ADAM9: variants seen among roughly 807,000 people sequenced by gnomAD.
The protein encoded by ADAM9 is disintegrin and metalloproteinase domain-containing protein 9.
Under a neutral mutation model 108.1 loss-of-function variants are expected in ADAM9, and 54 were observed. The ratio of observed to expected loss-of-function variants is 0.50; its 90% CI spans 0.40 to 0.63. ADAM9 has a LOEUF of 0.63. Among genes scored for constraint, ADAM9 ranks in the 20% least tolerant of loss-of-function variants. The probability of loss-of-function intolerance (pLI) is 0.00; values close to 1 mark genes in which losing one functional copy is unlikely to be tolerated. For synonymous variants in ADAM9, 316 were observed against 336.0 expected (o/e 0.94, Z 0.65); for missense variants, 830 against 997.7 (o/e 0.83, Z 2.26).
chr8:39,075,729 A>G (rs1001913668), intron 15 of ADAM9, among the ~76,000 whole-genome samples: 2 of 152,212 alleles, frequency 1.3e-5, no homozygotes, highest in Non-Finnish European at 2.9e-5. Flanking sequence ...TATCATAGCA[A>G]TGTGAATTTT....
At chr8:39,046,031 AT>A (rs936903727) in intron 12 of ADAM9, among the ~76,000 whole-genome samples, 1 of 152,026 alleles carries the variant, frequency 6.6e-6, no homozygotes, top group African/African-American at 2.4e-5. Flanking sequence ...TGAGGAATGG[AT>A]TTTATTGAAT....
chr8:39,051,292 ATGAGTTGGG>A (rs1237757952), intron 12 of ADAM9, among the ~76,000 whole-genome samples: 1 of 152,118 alleles, frequency 6.6e-6, no homozygotes, highest in African/African-American at 2.4e-5. Flanking sequence ...ATGACGCGTC[ATGAGTTGGG>A]ATTGCGGCGA....
rs989868520 is a variant in ADAM9 at position 39,071,279 on chromosome 8, T to A, written c.1592-19T>A. 2 of 1,611,078 alleles carry A rather than the reference T, an allele frequency of 1.2e-6. No individual in the cohort carries two copies. Among genetic ancestry groups the A allele is most frequent in the Non-Finnish European group, 1.7e-6 (2 of 1,177,730 alleles). On this transcript the variant is annotated intron_variant, in intron 14 of 21. Transcript: ENST00000487273. ...TGCCATAACTTTTTTTTTCTTTTTT[T>A]AAATGTTTAATGTTACAGAAGCCAA...
At chr8:39,012,071 A>G (rs951305073) in intron 3 of ADAM9, among the ~76,000 whole-genome samples, 1 of 152,238 alleles carries the variant, frequency 6.6e-6, no homozygotes, top group South Asian at 2.1e-4. Context: ...GCCTACTCAC[A>G]TAGACTTTAA....
chr8:39,037,540 C>G (rs1387155425), intron 11 of ADAM9, among the ~76,000 whole-genome samples: 1 of 149,428 alleles, frequency 6.7e-6, no homozygotes, highest in Non-Finnish European at 1.5e-5. Context: ...CTCCTCCCAC[C>G]CCAGCCTCCT....
chr8:39,045,568 G>GTA lies in ADAM9; in HGVS notation c.1302+3452_1302+3453insAT, dbSNP rs1354034713. 1.4e-3 allele frequency among the ~76,000 whole-genome samples: 192 copies of GTA among 139,296 alleles called. 2 individuals are homozygous for GTA. The highest frequency in any genetic ancestry group is 3.9e-3 in the African/African-American group (149 of 37,996). The allele number at this position is 139,296 out of a possible 152,430, so 91.4% of individuals were successfully genotyped here. A position where few individuals can be genotyped will look rare whatever the true frequency, so the allele number is the denominator to read the frequency against. On this transcript the variant is annotated intron_variant, in intron 12 of 21. Transcript: ENST00000487273. Reference sequence around the variant, plus strand: ...TATGTGTGTGTGTATATGTGTGTGTGTGTATATATATATATATATAAAAGA... The same window carrying GTA: ...TATGTGTGTGTGTATATGTGTGTGTGTATGTATATATATATATATATAAAAGA...
chr8:39,009,958 A>C (rs112003270), intron 2 of ADAM9, among the ~76,000 whole-genome samples: 126 of 48,692 alleles, frequency 2.6e-3, no homozygotes, highest in Middle Eastern at 0.011. Context: ...ACAACAACAA[A>C]AACAAACCCC....
At chr8:39,021,323 C>G (rs1342523853) in intron 7 of ADAM9, among the ~76,000 whole-genome samples, 1 of 151,930 alleles carries the variant, frequency 6.6e-6, no homozygotes, top group Non-Finnish European at 1.5e-5. Flanking sequence ...TGCTCTTTCT[C>G]CCAGACTGGA....
intron 20 of ADAM9, among the ~76,000 whole-genome samples, chr8:39,092,265 T>C (rs977338879): frequency 6.6e-6 from 1 of 152,118 alleles, no homozygotes; most frequent in Non-Finnish European, 1.5e-5. Context: ...TCGATAGATA[T>C]AGCTGTGATT....
rs1426873160 is a variant in ADAM9 at position 39,071,282 on chromosome 8, A to G, written c.1592-16A>G. On this transcript the variant is annotated splice_polypyrimidine_tract_variant and intron_variant, in intron 14 of 21. Transcript: ENST00000487273. ...CATAACTTTTTTTTTCTTTTTTTAA[A>G]TGTTTAATGTTACAGAAGCCAAGGC... 6.2e-7 allele frequency: 1 copy of G among 1,611,122 alleles called. No homozygotes were observed.
At chr8:39,066,754 A>G (rs889689179) in intron 14 of ADAM9, among the ~76,000 whole-genome samples, 1 of 152,124 alleles carries the variant, frequency 6.6e-6, no homozygotes, top group Non-Finnish European at 1.5e-5. Context: ...TCTTTAGTTT[A>G]ATTAGATCCT....
At chr8:39,101,313 C>A (rs1438046590) in intron 20 of ADAM9, among the ~76,000 whole-genome samples, 1 of 152,220 alleles carries the variant, frequency 6.6e-6, no homozygotes, top group Non-Finnish European at 1.5e-5. Flanking sequence ...ACTTTCTGAG[C>A]ACCAACATGA....
At chr8:39,026,584 T>G in intron 10 of ADAM9, 93 bp from the exon 11 acceptor site, 1 of 1,500,504 alleles carries the variant, frequency 6.7e-7, no homozygotes, top group Non-Finnish European at 9.2e-7. Flanking sequence ...AACAGTGTAG[T>G]GAATAAATTT....
chr8:39,034,829 T>G (rs1256287120), intron 11 of ADAM9, among the ~76,000 whole-genome samples: 1 of 152,216 alleles, frequency 6.6e-6, no homozygotes. Context: ...TGACGTTTCA[T>G]TATCATGTTC....
chr8:39,021,622 T>C, intron 7 of ADAM9, 21 bp from the exon 8 acceptor site: 1 of 1,606,420 alleles, frequency 6.2e-7, no homozygotes, highest in East Asian at 2.2e-5. Context: ...TGATAATGAT[T>C]CTCCTTCTTT....
chr8:39,077,642 G>T (rs1838889971), intron 16 of ADAM9, among the ~76,000 whole-genome samples: 1 of 152,078 alleles, frequency 6.6e-6, no homozygotes, highest in Non-Finnish European at 1.5e-5. Flanking sequence ...ACTGTGCATG[G>T]TTCCCTCCCC....
intron 20 of ADAM9, among the ~76,000 whole-genome samples, chr8:39,091,996 T>C (rs991111162): frequency 2.0e-5 from 3 of 152,232 alleles, no homozygotes; most frequent in Non-Finnish European, 4.4e-5. Flanking sequence ...GACCTGGTGC[T>C]GAGCTCTTGG....
intron 1 of ADAM9, among the ~76,000 whole-genome samples, chr8:38,999,882 T>A (rs1835942374): frequency 6.6e-6 from 1 of 152,238 alleles, no homozygotes; most frequent in South Asian, 2.1e-4. Flanking sequence ...AGCTCAAACA[T>A]ATGACATAGC....
At chr8:39,094,384 C>A (rs1839439427) in intron 20 of ADAM9, among the ~76,000 whole-genome samples, 1 of 152,112 alleles carries the variant, frequency 6.6e-6, no homozygotes, top group African/African-American at 2.4e-5. Flanking sequence ...CTGTAATTTT[C>A]TTTTCTTGTG....
Sources: allele counts gnomAD v4.1 joint callset (sites outside exome capture counted in the v4.1 genomes callset), GRCh38; gene constraint gnomAD v4.1.1; transcripts MANE v1.5; gene names NCBI Gene and HGNC (gene_info 2026-07-23, HGNC 2026-07-21).